Variants in FBLN2 observed in about 807,000 individuals in gnomAD.
The protein encoded by FBLN2 is fibulin-2.
A neutral mutation model predicts 123.7 loss-of-function variants in FBLN2; 81 were observed. That is an observed-to-expected ratio of 0.65 (90% CI 0.55 to 0.79). The LOEUF (loss-of-function observed/expected upper bound fraction) is 0.79, where lower values mean the gene tolerates loss of function less well. FBLN2 is among the 30% of genes least tolerant of loss of function. FBLN2 has a pLI of 0.00. For synonymous variants in FBLN2, 699 were observed against 701.4 expected (o/e 1.00, Z 0.05); for missense variants, 1,603 against 1,681.3 (o/e 0.95, Z 0.81).
chr3:13,591,854 G>A (rs548858394), intron 2 of FBLN2, among the ~76,000 whole-genome samples: 115 of 152,142 alleles, frequency 7.6e-4, no homozygotes, highest in Middle Eastern at 3.4e-3. Flanking sequence ...TTGTTTCTGT[G>A]TATGGTGTGA....
At chr3:13,604,015 G>T (rs1183390353) in intron 2 of FBLN2, among the ~76,000 whole-genome samples, 2 of 152,130 alleles carry the variant, frequency 1.3e-5, no homozygotes, top group East Asian at 1.9e-4. Flanking sequence ...TCATGTGTCT[G>T]TTGGCTGCAT....
intron 1 of FBLN2, among the ~76,000 whole-genome samples, chr3:13,557,844 G>A (rs1193979593): frequency 6.6e-6 from 1 of 152,218 alleles, no homozygotes; most frequent in African/African-American, 2.4e-5. Context: ...GCTCCGAGGT[G>A]CCCAGCAGCC....
At chr3:13,610,239 CAG>C (rs1417645783) in intron 4 of FBLN2, among the ~76,000 whole-genome samples, 4 of 152,264 alleles carry the variant, frequency 2.6e-5, no homozygotes, top group South Asian at 2.1e-4. Context: ...CATCGAGTGA[CAG>C]GGGGCAGGTG....
intron 1 of FBLN2, among the ~76,000 whole-genome samples, chr3:13,558,376 C>G (rs1441345810): frequency 6.6e-6 from 1 of 152,026 alleles, no homozygotes; most frequent in Non-Finnish European, 1.5e-5. Context: ...CACCACTCCC[C>G]CCACCCCGCC....
At chr3:13,562,356 CTTTTTTTT>C (rs377434279) in intron 1 of FBLN2, among the ~76,000 whole-genome samples, 4,971 of 135,138 alleles carry the variant, frequency 0.037, 303 homozygotes, top group African/African-American at 0.13. Flanking sequence ...ATGAAGTTTA[CTTTTTTTT>C]TTTTTTTTTT....
chr3:13,605,557 GC>G (rs1184904821), intron 2 of FBLN2, among the ~76,000 whole-genome samples: 1 of 152,180 alleles, frequency 6.6e-6, no homozygotes, highest in Non-Finnish European at 1.5e-5. Flanking sequence ...GTTTCTGACA[GC>G]TCCTGCATGT....
At chr3:13,618,028 C>T in intron 5 of FBLN2, 48 bp from the exon 6 acceptor site, 1 of 1,582,814 alleles carries the variant, frequency 6.3e-7, no homozygotes, top group Non-Finnish European at 8.6e-7. Flanking sequence ...TCTCAGCCAC[C>T]TACTCTGACC....
chr3:13,609,624 C>A lies in FBLN2; in HGVS notation c.1530C>A (p.Cys510Ter). The A allele has an allele frequency of 6.8e-7, 1 of 1,470,100 alleles. No individual in the cohort carries two copies. The highest frequency in any genetic ancestry group is 9.1e-7 in the Non-Finnish European group (1 of 1,098,566). The allele number at this position is 1,470,100 out of a possible 1,614,324, so 91.1% of individuals were successfully genotyped here. The change falls in exon 4 of 18, where the codon TGC becomes TGA. Residue 510 changes from cysteine to a stop codon, truncating the protein, a stop_gained. Transcript: ENST00000404922. LOFTEE classifies it high-confidence loss of function. ...ETCGAEDNDS[C>*]GISLYKQCCD... ...GTGGGGCTGAGGACAACGACAGCTG[C>A]GGCATCTCCCTGTACAAGGCAAGCC...
chr3:13,631,366 C>T lies in FBLN2; in HGVS notation c.3123C>T (p.Cys1041=), dbSNP rs111849045. The T allele has an allele frequency of 3.2e-3, 5,104 of 1,603,206 alleles. 15 individuals are homozygous for T. The highest frequency in any genetic ancestry group is 3.9e-3 in the Non-Finnish European group (4,558 of 1,175,292). ...GTGCTCAAGGCGCCGGCATCCTCTG[C>T]ACCTTCCGCTGTCTCAACGTGCCAG... The part of the protein sequence containing the change: ...DECAQGAGIL[C]TFRCLNVPGS... The change falls in exon 16 of 18, where the codon TGC becomes TGT. Residue 1041 remains cysteine (C), a synonymous_variant. Transcript: ENST00000404922.
intron 16 of FBLN2, among the ~76,000 whole-genome samples, chr3:13,636,124 C>T (rs1328012264): frequency 4.6e-5 from 7 of 152,200 alleles, no homozygotes; most frequent in African/African-American, 1.7e-4. Flanking sequence ...AGGACTGTGG[C>T]CTCTGTGGAA....
chr3:13,575,448 C>G (rs1216271573), intron 2 of FBLN2, among the ~76,000 whole-genome samples: 1 of 152,126 alleles, frequency 6.6e-6, no homozygotes, highest in Non-Finnish European at 1.5e-5. Context: ...CTGTCCCTGC[C>G]CTAACTCTGG....
At chr3:13,629,354 A>C in intron 13 of FBLN2, 62 bp downstream of exon 13, 1 of 1,513,602 alleles carries the variant, frequency 6.6e-7, no homozygotes, top group Non-Finnish European at 8.9e-7. Context: ...CCCTCTGTGC[A>C]CTCCACCTCC....
rs146173034 is a variant in FBLN2 at position 13,585,004 on chromosome 3, C to T, written c.1306+13343C>T. ...GTCCCTTCCCCACCAAGCTGGCCCA[C>T]CTGGCAGTTGGGGCTGGGTTGGTGG... On this transcript the variant is annotated intron_variant, in intron 2 of 17. Transcript: ENST00000404922. Among the ~76,000 whole-genome samples, 722 of 152,332 alleles carry T rather than the reference C, an allele frequency of 4.7e-3. 5 individuals are homozygous for T. The highest frequency in any genetic ancestry group is 0.013 in the South Asian group (65 of 4,830).
At position 13,629,536 on chromosome 3, in the gene FBLN2, G is replaced by C. The variant is rs536958553; in HGVS notation, c.2842+244G>C. Among the ~76,000 whole-genome samples the C allele has an allele frequency of 1.1e-3, 162 of 148,738 alleles. 1 individual carries two copies. Among genetic ancestry groups the C allele is most frequent in the African/African-American group, 3.7e-3 (150 of 40,154 alleles). ...TCTGTGCCTCTGCCCCTCTTACTCT[G>C]GTCTTTCCTGCTTCCCTCGGTCTCT... is the stretch of plus-strand genomic sequence containing the variant. On this transcript the variant is annotated intron_variant, in intron 13 of 17. Transcript: ENST00000404922.
At chr3:13,614,901 T>TATCC (rs113294664) in intron 5 of FBLN2, among the ~76,000 whole-genome samples, 5,210 of 139,638 alleles carry the variant, frequency 0.037, 196 homozygotes, top group East Asian at 0.14. Context: ...TCTATTCATC[T>TATCC]ATCCATCCAT....
intron 1 of FBLN2, among the ~76,000 whole-genome samples, chr3:13,552,700 C>T (rs914999259): frequency 2.6e-5 from 4 of 151,930 alleles, no homozygotes; most frequent in African/African-American, 9.7e-5. Context: ...CTCGGGAGGG[C>T]TGGGAGCTGT....
At chr3:13,577,087 G>T (rs1051256182) in intron 2 of FBLN2, among the ~76,000 whole-genome samples, 2 of 152,120 alleles carry the variant, frequency 1.3e-5, no homozygotes, top group African/African-American at 4.8e-5. Context: ...GCTGGGTGTG[G>T]TGGTAGGCAC....
At chr3:13,636,327 G>A (rs193082583) in intron 16 of FBLN2, 118 bp from the exon 17 acceptor site, 24 of 1,261,256 alleles carry the variant, frequency 1.9e-5, no homozygotes, top group South Asian at 4.4e-5. Context: ...AGGGAGGCAC[G>A]CGGGCTATTC....
At chr3:13,609,687 G>GGGGGGGGGGGGGGC in intron 4 of FBLN2, 45 bp downstream of exon 4, 3 of 463,678 alleles carry the variant, frequency 6.5e-6, no homozygotes, top group Non-Finnish European at 1.3e-5. Context: ...GGTGGGGCGG[G>GGGGGGGGGGGGGGC]GCGGGAGGCT....
Sources: gnomAD v4.1 joint callset for allele counts (sites outside exome capture counted in the v4.1 genomes callset) on GRCh38, gnomAD v4.1.1 for gene constraint, MANE v1.5 for transcripts, NCBI Gene and HGNC (gene_info 2026-07-23, HGNC 2026-07-21) for gene names.